The following DMD variants were observed in gnomAD, a reference collection of about 807,000 sequenced individuals.
DMD encodes mutant dystrophin.
Under a neutral mutation model 330.1 loss-of-function variants are expected in DMD, and 63 were observed. The ratio of observed to expected loss-of-function variants is 0.19; its 90% CI spans 0.16 to 0.24. The LOEUF is 0.24. DMD is among the 10% of genes least tolerant of loss of function. The pLI, the probability that DMD is intolerant of heterozygous loss-of-function variation, is 1.00. For synonymous variants in DMD, 1,223 were observed against 959.8 expected (o/e 1.27, Z -5.07); for missense variants, 3,344 against 2,684.1 (o/e 1.25, Z -5.43).
At chrX:33,139,868 TAA>T (rs3990971) in intron 1 of DMD, among the ~76,000 whole-genome samples, 1,594 of 63,942 alleles carry the variant, frequency 0.025, 21 homozygotes, top group Middle Eastern at 0.092. Context: ...GCCCCATCGC[TAA>T]AAAAAAAAAA....
chrX:32,587,187 T>C (rs1003076696), intron 13 of DMD, among the ~76,000 whole-genome samples: 1 of 112,111 alleles, frequency 8.9e-6, no homozygotes, highest in Non-Finnish European at 1.9e-5. Context: ...TCTGACTTTA[T>C]CGTCTTTCTG....
intron 21 of DMD, among the ~76,000 whole-genome samples, chrX:32,472,565 G>A (rs769819248): frequency 4.3e-4 from 48 of 110,698 alleles, no homozygotes; most frequent in Admixed American, 4.0e-3. Context: ...GTTTTATAAG[G>A]TCAGGAAACA....
chrX:32,981,255 G>A (rs1234467095), intron 2 of DMD, among the ~76,000 whole-genome samples: 2 of 111,554 alleles, frequency 1.8e-5, no homozygotes, highest in African/African-American at 6.5e-5. Flanking sequence ...ATCACAAGCC[G>A]CTATTTCTGT....
chrX:32,484,555 T>A (rs2042234525), intron 21 of DMD, among the ~76,000 whole-genome samples: 2 of 112,290 alleles, frequency 1.8e-5, no homozygotes. Context: ...AGAAGATGCC[T>A]AGCAAATATC....
chrX:33,002,521 G>C (rs769898215), intron 2 of DMD, among the ~76,000 whole-genome samples: 1 of 110,095 alleles, frequency 9.1e-6, no homozygotes, highest in Non-Finnish European at 1.9e-5. Flanking sequence ...CTGAAGTAGA[G>C]TTACATAGGA....
chrX:32,910,640 A>C (rs753067505), intron 2 of DMD, among the ~76,000 whole-genome samples: 11 of 110,761 alleles, frequency 9.9e-5, no homozygotes, highest in Non-Finnish European at 1.9e-4. Context: ...ACGGGGTTTC[A>C]CTATGTTGGC....
At chrX:33,212,838 A>C (rs1160948571), upstream of DMD, among the ~76,000 whole-genome samples, 2 of 111,378 alleles carry the variant, frequency 1.8e-5, no homozygotes, top group Non-Finnish European at 3.8e-5. Context: ...TATAAGCAAA[A>C]TTTTCATAAA....
intron 62 of DMD, among the ~76,000 whole-genome samples, chrX:31,315,397 G>A (rs1467566504): frequency 8.9e-6 from 1 of 111,940 alleles, no homozygotes; most frequent in Non-Finnish European, 1.9e-5. Flanking sequence ...TGGGTGTCAC[G>A]TTAAGCAAAT....
chrX:32,943,634 C>A (rs2090584080), intron 2 of DMD, among the ~76,000 whole-genome samples: 1 of 111,103 alleles, frequency 9.0e-6, no homozygotes, highest in Non-Finnish European at 1.9e-5. Context: ...ATAGGTACAA[C>A]TCAGTCTTTG....
At chrX:32,711,454 C>G (rs2065182233) in intron 7 of DMD, among the ~76,000 whole-genome samples, 1 of 111,457 alleles carries the variant, frequency 9.0e-6, no homozygotes, top group Non-Finnish European at 1.9e-5. Flanking sequence ...CCACTCTTAT[C>G]TCAATGGGAA....
intron 1 of DMD, among the ~76,000 whole-genome samples, chrX:33,086,330 G>A (rs1423770919): frequency 9.0e-6 from 1 of 111,576 alleles, no homozygotes; most frequent in Non-Finnish European, 1.9e-5. Context: ...AGATAATTTA[G>A]AATTTTTTAA....
At chrX:32,159,207 A>G (rs2096840298) in intron 44 of DMD, among the ~76,000 whole-genome samples, 1 of 112,075 alleles carries the variant, frequency 8.9e-6, no homozygotes, top group Non-Finnish European at 1.9e-5. Context: ...CTTTCTTACC[A>G]TAGTAAGCAA....
chrX:32,165,844 C>T (rs1180037749), intron 44 of DMD, among the ~76,000 whole-genome samples: 1 of 110,989 alleles, frequency 9.0e-6, no homozygotes, highest in Non-Finnish European at 1.9e-5. Flanking sequence ...CCATGCTGTT[C>T]TCATGATAGT....
intron 43 of DMD, among the ~76,000 whole-genome samples, chrX:32,284,386 C>G (rs988869484): frequency 6.3e-5 from 7 of 111,647 alleles, no homozygotes; most frequent in South Asian, 7.5e-4. Context: ...CTTTTCTCTC[C>G]AAGACTGTGA....
At position 32,723,281 on chromosome X, in the gene DMD, C is replaced by G. The variant is rs144314186; in HGVS notation, c.650-23988G>C. Among the ~76,000 whole-genome samples, 13 of 111,165 alleles carry G rather than the reference C, an allele frequency of 1.2e-4. No homozygotes were observed. The East Asian group carries it at 3.4e-3, about 29-fold the overall frequency. On this transcript the variant is annotated intron_variant, in intron 7 of 78. Coordinates refer to ENST00000357033, the MANE Select transcript of DMD (RefSeq NM_004006.3). ...ACCTTGTGTCCTAGGGCTAAACCCACCTGGTCACGGTTTATAATCCAATGT... is the reference window on the plus strand; with the variant it reads ...ACCTTGTGTCCTAGGGCTAAACCCAGCTGGTCACGGTTTATAATCCAATGT...
intron 59 of DMD, among the ~76,000 whole-genome samples, chrX:31,460,627 C>T (rs1446273955): frequency 1.8e-5 from 2 of 111,676 alleles, no homozygotes; most frequent in African/African-American, 6.5e-5. Flanking sequence ...TGTCACTCAG[C>T]CTGGAGTACA....
chrX:32,008,608 A>G (rs1276240886), intron 44 of DMD, among the ~76,000 whole-genome samples: 2 of 98,879 alleles, frequency 2.0e-5, no homozygotes, highest in Non-Finnish European at 4.2e-5. Flanking sequence ...TTTTAGTATG[A>G]ATAAGAGACT....
At chrX:32,379,752 A>C (rs1342592568) in intron 34 of DMD, among the ~76,000 whole-genome samples, 1 of 111,572 alleles carries the variant, frequency 9.0e-6, no homozygotes, top group African/African-American at 3.3e-5. Flanking sequence ...TTGAATTAAA[A>C]ATAAAGTATA....
intron 18 of DMD, among the ~76,000 whole-genome samples, chrX:32,509,924 G>A (rs1263922159): frequency 2.7e-5 from 3 of 111,154 alleles, no homozygotes; most frequent in Non-Finnish European, 3.8e-5. Context: ...ACAAAGTCCT[G>A]TTGGCTCTAA....
Sources: gnomAD v4.1 joint callset for allele counts (sites outside exome capture counted in the v4.1 genomes callset) on GRCh38, gnomAD v4.1.1 for gene constraint, MANE v1.5 for transcripts, NCBI Gene and HGNC (gene_info 2026-07-23, HGNC 2026-07-21) for gene names.